The following ITPR1 variants were observed in gnomAD, a reference collection of about 807,000 sequenced individuals.
ITPR1 encodes the protein inositol 1,4,5-trisphosphate-gated calcium channel ITPR1.
A neutral mutation model predicts 318.4 loss-of-function variants in ITPR1; 96 were observed. The ratio of observed to expected loss-of-function variants is 0.30; its 90% CI spans 0.26 to 0.36. The LOEUF (loss-of-function observed/expected upper bound fraction) is 0.36. Ranked by LOEUF, ITPR1 falls within the 10% of genes least tolerant of loss-of-function variation. ITPR1 has a pLI of 1.00. For missense variants in ITPR1, 2,440 were observed against 3,460.2 expected (o/e 0.71, Z 7.40); for synonymous variants, 1,312 against 1,289.9 (o/e 1.02, Z -0.37).
intron 4 of ITPR1, among the ~76,000 whole-genome samples, chr3:4,613,209 A>G (rs2092236094): frequency 6.6e-6 from 1 of 152,236 alleles, no homozygotes; most frequent in Admixed American, 6.5e-5. Context: ...AAAAGGTTGC[A>G]TTCTTCTGAG....
chr3:4,811,581 C>A, intron 56 of ITPR1, 121 bp downstream of exon 56: 1 of 722,540 alleles, frequency 1.4e-6, no homozygotes, highest in Non-Finnish European at 2.2e-6. Flanking sequence ...CCCTAACACG[C>A]AGAGTGTGAA....
intron 4 of ITPR1, among the ~76,000 whole-genome samples, chr3:4,603,485 A>G (rs551062153): frequency 6.6e-6 from 1 of 151,958 alleles, no homozygotes; most frequent in Non-Finnish European, 1.5e-5. Flanking sequence ...GCTGGAGTGC[A>G]GTGGTGCAAT....
chr3:4,531,246 A>G (rs2083391111), intron 4 of ITPR1, among the ~76,000 whole-genome samples: 1 of 152,160 alleles, frequency 6.6e-6, no homozygotes, highest in African/African-American at 2.4e-5. Flanking sequence ...TCCACATTTC[A>G]AAGGCATGTT....
chr3:4,584,214 TA>T (rs1273088504), intron 4 of ITPR1, among the ~76,000 whole-genome samples: 8 of 152,234 alleles, frequency 5.3e-5, no homozygotes, highest in Non-Finnish European at 1.0e-4. Context: ...GTTCATTATG[TA>T]TGAAGTCATG....
chr3:4,699,201 A>G (rs1174080622), intron 34 of ITPR1, among the ~76,000 whole-genome samples: 2 of 151,068 alleles, frequency 1.3e-5, no homozygotes, highest in South Asian at 2.1e-4. Flanking sequence ...AAAAAAAAAT[A>G]CAAAAATTAG....
At chr3:4,632,724 G>A (rs1054417912) in intron 5 of ITPR1, among the ~76,000 whole-genome samples, 4 of 152,040 alleles carry the variant, frequency 2.6e-5, no homozygotes, top group Admixed American at 1.3e-4. Flanking sequence ...AAGTCCTTTC[G>A]ACACTCCTTC....
intron 61 of ITPR1, among the ~76,000 whole-genome samples, chr3:4,844,123 AT>A (rs34975561): frequency 1.0e-3 from 142 of 140,512 alleles, no homozygotes; most frequent in East Asian, 6.1e-3. Context: ...GCAGACCAAG[AT>A]TTTTTTTTTT....
intron 4 of ITPR1, among the ~76,000 whole-genome samples, chr3:4,596,402 T>A (rs1362853619): frequency 1.3e-5 from 2 of 152,334 alleles, no homozygotes; most frequent in East Asian, 3.9e-4. Context: ...AATCGCAGAC[T>A]TATTAGCTGA....
chr3:4,726,693 T>A (rs2042541320), intron 41 of ITPR1, among the ~76,000 whole-genome samples: 1 of 152,202 alleles, frequency 6.6e-6, no homozygotes, highest in Non-Finnish European at 1.5e-5. Flanking sequence ...AAAGCCGTGG[T>A]CCCATATCTG....
intron 33 of ITPR1, among the ~76,000 whole-genome samples, chr3:4,695,134 A>G (rs937997400): frequency 9.2e-5 from 14 of 152,180 alleles, no homozygotes; most frequent in African/African-American, 3.1e-4. Context: ...GTAAGTGTGG[A>G]ACTAATTTAT....
chr3:4,744,938 TTCCTTCCTTCCC>T lies in ITPR1; in HGVS notation c.5544+9588_5544+9599del, dbSNP rs1202707592. 9.5e-3 allele frequency among the ~76,000 whole-genome samples: 946 copies of T among 100,022 alleles called. 10 individuals are homozygous for T. The highest frequency in any genetic ancestry group is 0.02 in the African/African-American group (457 of 23,126). 65.6% of individuals were successfully genotyped at this position (100,022 alleles called of 152,430 possible). A position where few individuals can be genotyped will look rare whatever the true frequency, so the allele number is the denominator to read the frequency against. ...CTTCCTTCCTTCCTTCCTTCCTTCCTTCCTTCCTTCCCTCCCTCCCTCCTTCCTTCCTTCGTT... is the reference window on the plus strand; with the variant it reads ...CTTCCTTCCTTCCTTCCTTCCTTCCTTCCCTCCCTCCTTCCTTCCTTCGTT... On this transcript the variant is annotated intron_variant, in intron 44 of 61. Coordinates refer to ENST00000649015, the MANE Select transcript of ITPR1 (RefSeq NM_001378452.1).
At chr3:4,539,744 A>G (rs898777647) in intron 4 of ITPR1, among the ~76,000 whole-genome samples, 4 of 152,170 alleles carry the variant, frequency 2.6e-5, no homozygotes, top group Admixed American at 6.5e-5. Context: ...TGATGGCTTT[A>G]TAAGAAGAGG....
chr3:4,776,658 C>CA lies in ITPR1; in HGVS notation c.6181-598dup, dbSNP rs200695162. Among the ~76,000 whole-genome samples, 606 of 151,892 alleles carry CA rather than the reference C, an allele frequency of 4.0e-3. 3 individuals are homozygous for CA. The highest frequency in any genetic ancestry group is 0.017 in the Middle Eastern group (5 of 294). ...TAGTCCTAGTTAAAATGAAAAGGAA[C>CA]AAAAAAAATACAACAGGCTTGGGGA... On this transcript the variant is annotated intron_variant, in intron 47 of 61. Transcript: ENST00000649015.
intron 36 of ITPR1, among the ~76,000 whole-genome samples, chr3:4,704,608 G>T (rs1384823052): frequency 1.3e-5 from 2 of 152,212 alleles, no homozygotes; most frequent in African/African-American, 2.4e-5. Context: ...AAACGTAGGA[G>T]GAAGCCCTTG....
intron 44 of ITPR1, chr3:4,749,196 G>T (rs1357736339): frequency 3.9e-5 from 6 of 152,216 alleles, no homozygotes; most frequent in African/African-American, 1.4e-4. Context: ...ACAAACTTTT[G>T]TTCTGGTCAT....
intron 4 of ITPR1, among the ~76,000 whole-genome samples, chr3:4,604,860 C>T (rs540467018): frequency 9.2e-5 from 14 of 152,084 alleles, no homozygotes; most frequent in Non-Finnish European, 2.1e-4. Context: ...TGGACAGCAT[C>T]GTGAGTCCTC....
At position 4,680,656 on chromosome 3, in the gene ITPR1, G is replaced by A. The variant is rs1300664818; in HGVS notation, c.3071G>A (p.Gly1024Glu). The change falls in exon 25 of 62, where the codon GGA becomes GAA. Residue 1024 changes from glycine (G) to glutamate (E), a missense_variant. Around this residue, in one of 23 missense-constraint regions of ITPR1, gnomAD observed 57 missense variants for 46.2 expected, o/e 1.23. Transcript: ENST00000649015. ...TCCCAGACTTCAGAAACATCCTCCG[G>A]AAACAGCAGCCAAGAAGGGCCAAGT... The part of the protein sequence containing the change: ...SNSQTSETSS[G>E]NSSQEGPSNV... The A allele has an allele frequency of 6.2e-7, 1 of 1,613,646 alleles. No individual in the cohort carries two copies. Among genetic ancestry groups the A allele is most frequent in the Non-Finnish European group, 8.5e-7 (1 of 1,179,702 alleles).
chr3:4,732,902 C>T (rs536308247), intron 42 of ITPR1, among the ~76,000 whole-genome samples, 186 bp from the exon 43 acceptor site: 2 of 152,316 alleles, frequency 1.3e-5, no homozygotes, highest in African/African-American at 4.8e-5. Flanking sequence ...TTTTAAAAAA[C>T]ATCTGGTTTT....
Position 4,826,221 on chromosome 3 carries a change from C to A in ITPR1, c.8028+7979C>A, listed in dbSNP as rs746763333. On this transcript the variant is annotated intron_variant, in intron 60 of 61. Coordinates refer to ENST00000649015, the MANE Select transcript of ITPR1 (RefSeq NM_001378452.1). This position sits in a 1 kb window ranked among gnomAD's most constrained non-coding sequence, Gnocchi z 4.2. ...TTTATTCTGAATTCCAGTGAGGATG[C>A]TGGCAGGAAGGGAGTGCCTAGGTAT... 5.3e-5 allele frequency among the ~76,000 whole-genome samples: 8 copies of A among 152,218 alleles called. No homozygotes were observed. Among genetic ancestry groups the A allele is most frequent in the Non-Finnish European group, 8.8e-5 (6 of 68,034 alleles).
Sources: allele counts gnomAD v4.1 joint callset (sites outside exome capture counted in the v4.1 genomes callset), GRCh38; gene constraint gnomAD v4.1.1; regional missense constraint gnomAD v4.1.1; non-coding constraint Gnocchi (gnomAD v3.1); transcripts MANE v1.5; gene names NCBI Gene and HGNC (gene_info 2026-07-23, HGNC 2026-07-21).